The following JOSD2 variants were observed in gnomAD, a reference collection of about 807,000 sequenced individuals.
The protein encoded by JOSD2 is Josephin domain containing 2, also known as josephin-2.
Under a neutral mutation model 19.3 loss-of-function variants are expected in JOSD2, and 20 were observed. The observed-to-expected ratio is 1.04, with a 90% CI of 0.73 to 1.51. The LOEUF (loss-of-function observed/expected upper bound fraction) is 1.51, where lower values mean the gene tolerates loss of function less well. Among genes scored for constraint, JOSD2 ranks in the 40% most tolerant of loss-of-function variants. The pLI is 0.00. For missense variants in JOSD2, 215 were observed against 250.4 expected (o/e 0.86, Z 0.95); for synonymous variants, 118 against 123.7 (o/e 0.95, Z 0.31).
chr19:50,510,396 G>A lies in JOSD2; in HGVS notation c.36C>T (p.Pro12=). 6.2e-7 allele frequency: 1 copy of A among 1,612,758 alleles called. No individual in the cohort carries two copies. Among genetic ancestry groups the A allele is most frequent in the Non-Finnish European group, 8.5e-7 (1 of 1,179,516 alleles). The change falls in exon 2 of 5, where the codon CCC becomes CCT. Residue 12 remains proline, a synonymous_variant. Transcript: ENST00000598418. The stretch of plus-strand genomic sequence containing the variant: ...GGCGCTGCCGTTCGTGGTACACGGT[G>A]GGTGGGCTCGGCTGTGCTCCCGGGG... ...SQAPGAQPSP[P]TVYHERQRLE...
chr19:50,506,448 C>T lies in JOSD2; in HGVS notation c.397G>A (p.Asp133Asn), dbSNP rs1022386449. 1 of 1,595,870 alleles carries T rather than the reference C, an allele frequency of 6.3e-7. No individual in the cohort carries two copies. The highest frequency in any genetic ancestry group is 1.3e-5 in the African/African-American group (1 of 74,482). Residue 133 changes from aspartate (D) to asparagine (N), a missense_variant, in exon 4 of 5, where the codon GAC (aspartate) becomes AAC (asparagine). Asp to Asn is a conservative substitution (Grantham distance 23). Transcript: ENST00000598418. ...RRHWVALRQV[D>N]GVYYNLDSKL... ...GAGTCCAGGTTGTAGTAGACACCGT[C>T]CACCTGGCGCAGGGCCACCCAGTGC...
chr19:50,507,134 C>T (rs1280071879), intron 3 of JOSD2, among the ~76,000 whole-genome samples: 3 of 141,574 alleles, frequency 2.1e-5, no homozygotes, highest in African/African-American at 8.1e-5. Flanking sequence ...CCGGCCACCA[C>T]CCAGCCAGCC....
At position 50,510,410 on chromosome 19, in the gene JOSD2, G is replaced by C. The variant is rs959243424; in HGVS notation, c.22C>G (p.Gln8Glu). The change falls in exon 2 of 5, where the codon CAG becomes GAG. Residue 8 changes from glutamine to glutamate, a missense_variant. Gln to Glu is a conservative substitution (Grantham distance 29). Coordinates refer to ENST00000598418, the MANE Select transcript of JOSD2 (RefSeq NM_001270639.2). ...TGGTACACGGTGGGTGGGCTCGGCT[G>C]TGCTCCCGGGGCCTGGGACATGCCG... is the stretch of plus-strand genomic sequence containing the variant. MSQAPGAQPSPPTVYHER... is the reference protein window; with the variant it reads MSQAPGAEPSPPTVYHER... 5 of 1,611,194 alleles carry C rather than the reference G, an allele frequency of 3.1e-6. No individual in the cohort carries two copies. Among genetic ancestry groups the C allele is most frequent in the African/African-American group, 1.3e-5 (1 of 74,908 alleles).
intron 3 of JOSD2, among the ~76,000 whole-genome samples, chr19:50,507,336 C>T (rs1350605546): frequency 6.6e-6 from 1 of 151,900 alleles, no homozygotes; most frequent in Non-Finnish European, 1.5e-5. Context: ...CATCACTTCA[C>T]TCCCCCTGAC....
intron 2 of JOSD2, 66 bp from the exon 3 acceptor site, chr19:50,507,765 T>A: frequency 2.6e-6 from 4 of 1,553,712 alleles, no homozygotes; most frequent in Non-Finnish European, 3.5e-6. Flanking sequence ...AAAATGGGGG[T>A]CCCAGGGGCC....
intron 2 of JOSD2, 54 bp downstream of exon 2, chr19:50,510,232 G>A (rs1601352831): frequency 1.2e-6 from 2 of 1,610,490 alleles, no homozygotes; most frequent in East Asian, 4.5e-5. Flanking sequence ...AGACCCAGGT[G>A]GGTCACTCCG....
At chr19:50,510,163 T>G in intron 2 of JOSD2, 123 bp downstream of exon 2, 1 of 1,188,562 alleles carries the variant, frequency 8.4e-7, no homozygotes, top group Non-Finnish European at 1.2e-6. Context: ...GCGTCTAGCT[T>G]AGGCAAGTGA....
chr19:50,510,063 A>AAAAAAAAG (rs1182149961), intron 2 of JOSD2: 1 of 460,238 alleles, frequency 2.2e-6, no homozygotes, highest in African/African-American at 2.1e-5. Flanking sequence ...AAAAAAAAAA[A>AAAAAAAAG]AAAAGAAAGA....
At chr19:50,508,155 C>T (rs968548825) in intron 2 of JOSD2, 8 of 208,554 alleles carry the variant, frequency 3.8e-5, no homozygotes, top group Non-Finnish European at 7.8e-5. Flanking sequence ...TCTCAGCTCT[C>T]CCATGGCTCC....
chr19:50,510,569 C>T lies in JOSD2; in HGVS notation c.-17-121G>A. ...GGACTCGGAGCAGCCCAGGAAGACACTGGGCCCCTGACCCCGCTCCCTGGC... is the reference window on the plus strand; with the variant it reads ...GGACTCGGAGCAGCCCAGGAAGACATTGGGCCCCTGACCCCGCTCCCTGGC... On this transcript the variant is annotated intron_variant, in intron 1 of 4. Transcript: ENST00000598418. The T allele has an allele frequency of 4.5e-6, 4 of 895,292 alleles. No individual in the cohort carries two copies. In the South Asian group the frequency reaches 5.2e-5, roughly 12 times the overall value. 55.5% of individuals were successfully genotyped at this position (895,292 alleles called of 1,614,324 possible).
At chr19:50,510,547 C>CTCG in intron 1 of JOSD2, 99 bp from the exon 2 acceptor site, 1 of 1,176,560 alleles carries the variant, frequency 8.5e-7, no homozygotes, top group South Asian at 1.5e-5. Context: ...TGAGCTGGGA[C>CTCG]TCGGAGCAGC....
intron 3 of JOSD2, among the ~76,000 whole-genome samples, chr19:50,506,780 T>TCCCA (rs1056206026): frequency 6.3e-5 from 3 of 47,900 alleles, no homozygotes; most frequent in African/African-American, 2.4e-4. Context: ...CAACCAGACC[T>TCCCA]CCCACCCACC....
At chr19:50,509,986 GAGCTCGCAGTGA>G (rs1979651098) in intron 2 of JOSD2, among the ~76,000 whole-genome samples, 1 of 148,944 alleles carries the variant, frequency 6.7e-6, no homozygotes, top group African/African-American at 2.5e-5. Context: ...CCGGGAGGCC[GAGCTCGCAGTGA>G]GCGAGATCGC....
At chr19:50,506,595 C>A in intron 3 of JOSD2, 23 bp from the exon 4 acceptor site, 1 of 1,489,288 alleles carries the variant, frequency 6.7e-7, no homozygotes, top group Non-Finnish European at 9.0e-7. Context: ...GGAGGGGACA[C>A]TGCCATCAGG....
In JOSD2 at chr19:50,507,580, C is replaced by T. The variant is rs754547420; in HGVS notation, c.266G>A (p.Arg89Lys). 7 of 1,605,052 alleles carry T rather than the reference C, an allele frequency of 4.4e-6. No homozygotes were observed. The highest frequency in any genetic ancestry group is 1.7e-5 in the Admixed American group (1 of 59,950). The change falls in exon 3 of 5, where the codon AGG becomes AAG. Residue 89 changes from arginine (R) to lysine (K), a missense_variant. Arg to Lys is a conservative substitution (Grantham distance 26). Transcript: ENST00000598418. ...GTGCTGCTCTGGGGCCTACCTCCTC[C>T]TGTCCCACCACACGGCGGCCAGGCC... ...GLGLAAVWWD[R>K]RRPLSQLALP...
Position 50,506,192 on chromosome 19 carries a change from C to G in JOSD2, c.548G>C (p.Ser183Thr), listed in dbSNP as rs1357586305. 3 of 1,612,712 alleles carry G rather than the reference C, an allele frequency of 1.9e-6. No individual in the cohort carries two copies. The highest frequency in any genetic ancestry group is 2.5e-6 in the Non-Finnish European group (3 of 1,179,866). ...VVTKEVEEKGSWLRTD is the reference protein window; with the variant it reads ...VVTKEVEEKGTWLRTD ...CCATGGTCAGTCTGTCCGCAGCCAGCTGCCCTTCTCCTCCACCTCCTTGGT... is the reference window on the plus strand; with the variant it reads ...CCATGGTCAGTCTGTCCGCAGCCAGGTGCCCTTCTCCTCCACCTCCTTGGT... The change falls in exon 5 of 5, where the codon AGC becomes ACC. Residue 183 changes from serine (S) to threonine (T), a missense_variant. Ser to Thr is a moderately conservative substitution (Grantham distance 58). Transcript: ENST00000598418.
intron 2 of JOSD2, 52 bp from the exon 3 acceptor site, chr19:50,507,751 C>A: frequency 6.4e-7 from 1 of 1,573,936 alleles, no homozygotes; most frequent in South Asian, 1.2e-5. Flanking sequence ...AAAGGCCTCC[C>A]CACAAAATGG....
At chr19:50,508,957 G>A (rs1471080439) in intron 2 of JOSD2, among the ~76,000 whole-genome samples, 2 of 152,026 alleles carry the variant, frequency 1.3e-5, no homozygotes, top group African/African-American at 4.8e-5. Context: ...ATCTCCAGGT[G>A]TAGAAAGACT....
chr19:50,511,173 G>A lies in JOSD2; in HGVS notation c.-74C>T. 1 of 443,758 alleles carries A rather than the reference G, an allele frequency of 2.3e-6. No individual in the cohort carries two copies. The highest frequency in any genetic ancestry group is 4.5e-6 in the Non-Finnish European group (1 of 220,256). 27.5% of individuals were successfully genotyped at this position (443,758 alleles called of 1,614,324 possible). ...GGTTTCCGCATCCCCTTCCTGGGCGGCGGCTCTGGGCTCCGAGTGCGGGGC... is the reference window on the plus strand; with the variant it reads ...GGTTTCCGCATCCCCTTCCTGGGCGACGGCTCTGGGCTCCGAGTGCGGGGC... On this transcript the variant is annotated 5_prime_UTR_variant, in exon 1 of 5. Transcript: ENST00000598418.
Sources: allele counts gnomAD v4.1 joint callset (sites outside exome capture counted in the v4.1 genomes callset), GRCh38; gene constraint gnomAD v4.1.1; transcripts MANE v1.5; gene names NCBI Gene and HGNC (gene_info 2026-07-23, HGNC 2026-07-21).